Variants in OTOGL observed in about 807,000 individuals in gnomAD.
OTOGL encodes otogelin-like protein.
A neutral mutation model predicts 318.5 loss-of-function variants in OTOGL; 285 were observed. That is an observed-to-expected ratio of 0.89 (90% confidence interval 0.81 to 0.99). OTOGL has a LOEUF of 0.99. Among genes scored for constraint, OTOGL ranks in the 50% least tolerant of loss-of-function variants. The pLI, the probability that OTOGL is intolerant of heterozygous loss-of-function variation, is 0.00. For missense variants in OTOGL, 2,899 were observed against 2,845.6 expected (o/e 1.02, Z -0.43); for synonymous variants, 987 against 936.5 (o/e 1.05, Z -0.99).
At chr12:80,207,938 T>A (rs964707801) in intron 1 of OTOGL, among the ~76,000 whole-genome samples, 3 of 152,346 alleles carry the variant, frequency 2.0e-5, no homozygotes, top group Admixed American at 2.0e-4. Context: ...TAGATTTATA[T>A]GATTGTCTAA....
chr12:80,122,619 G>A (rs1870551563), intron 1 of OTOGL, among the ~76,000 whole-genome samples: 1 of 152,166 alleles, frequency 6.6e-6, no homozygotes. Flanking sequence ...GTCAAGGTAA[G>A]CTTGGCAAGA....
intron 1 of OTOGL, among the ~76,000 whole-genome samples, chr12:80,175,645 CT>C (rs954721356): frequency 1.3e-5 from 2 of 152,080 alleles, no homozygotes; most frequent in African/African-American, 2.4e-5. Flanking sequence ...ACACTGAGCT[CT>C]TTTTTTTCCC....
chr12:80,307,758 C>T (rs1209092817), intron 29 of OTOGL, among the ~76,000 whole-genome samples: 3 of 146,056 alleles, frequency 2.1e-5, no homozygotes, highest in African/African-American at 7.6e-5. Flanking sequence ...CGCCACCTCC[C>T]TCCCGGACGG....
At chr12:80,319,612 A>G (rs1034713643) in intron 33 of OTOGL, among the ~76,000 whole-genome samples, 6 of 152,172 alleles carry the variant, frequency 3.9e-5, no homozygotes, top group African/African-American at 9.6e-5. Flanking sequence ...ATTTTACAAC[A>G]TGATAAATGC....
intron 4 of OTOGL, among the ~76,000 whole-genome samples, chr12:80,215,472 G>A (rs1330996635): frequency 3.3e-5 from 5 of 151,992 alleles, no homozygotes; most frequent in Non-Finnish European, 7.4e-5. Flanking sequence ...CGGCCTGCAT[G>A]TTTACAACTC....
rs1878403005 is a variant in OTOGL, at chr12:80,222,136, G to A, written c.380G>A (p.Gly127Glu). The A allele has an allele frequency of 1.3e-6, 2 of 1,598,406 alleles. No homozygotes were observed. The highest frequency in any genetic ancestry group is 1.7e-6 in the Non-Finnish European group (2 of 1,179,006). ...NGRDGICKTW[G>E]QYHFETFDGI... ...AGAGATGGGATTTGTAAAACCTGGG[G>A]ACAGTATCATTTTGAAACATTCGAT... Residue 127 changes from glycine (G) to glutamate (E), a missense_variant, in exon 7 of 59, where the codon GGA becomes GAA. By Grantham distance (98) the Gly-to-Glu change is moderately conservative. This residue lies in a region of OTOGL where 2,607 missense variants were observed against 2,524.9 expected (regional missense o/e 1.03). Transcript: ENST00000547103.
chr12:80,225,688 T>G (rs1185290253), intron 7 of OTOGL, among the ~76,000 whole-genome samples: 2 of 152,132 alleles, frequency 1.3e-5, no homozygotes, highest in African/African-American at 4.8e-5. Context: ...TATTATGTCT[T>G]CAACTTCCTT....
chr12:80,125,010 C>G (rs1433938534), intron 1 of OTOGL, among the ~76,000 whole-genome samples: 1 of 152,158 alleles, frequency 6.6e-6, no homozygotes, highest in Non-Finnish European at 1.5e-5. Flanking sequence ...TTCCTCTTTT[C>G]CTAATTGAAT....
At chr12:80,197,860 C>T (rs539775036) in intron 1 of OTOGL, among the ~76,000 whole-genome samples, 2 of 152,196 alleles carry the variant, frequency 1.3e-5, no homozygotes, top group African/African-American at 2.4e-5. Flanking sequence ...GGGACTCTAT[C>T]GTATGAAACC....
At chr12:80,209,532 T>C in intron 2 of OTOGL, 22 bp downstream of exon 2, 1 of 1,374,068 alleles carries the variant, frequency 7.3e-7, no homozygotes, top group Non-Finnish European at 9.9e-7. Context: ...GATTAAATTT[T>C]TATGTTAATT....
intron 57 of OTOGL, among the ~76,000 whole-genome samples, chr12:80,374,243 A>G (rs928316789): frequency 2.0e-5 from 3 of 152,036 alleles, no homozygotes; most frequent in African/African-American, 7.2e-5. Flanking sequence ...TTTTTCCTGT[A>G]TGTGTGTCTA....
rs1438174202 is a variant in OTOGL, at chr12:80,248,957, C to T, written c.1053-2736C>T. Among the ~76,000 whole-genome samples the T allele has an allele frequency of 2.2e-4, 33 of 148,026 alleles. 1 individual carries two copies. Among genetic ancestry groups the T allele is most frequent in the African/African-American group, 6.2e-4 (24 of 38,442 alleles). Reference sequence around the variant, plus strand: ...TACCCTTTCTTCCATTTGATCGCATCGGCTCCTGAGGCTTCTGCATTCTTC... The same window carrying T: ...TACCCTTTCTTCCATTTGATCGCATTGGCTCCTGAGGCTTCTGCATTCTTC... On this transcript the variant is annotated intron_variant, in intron 11 of 58. Transcript: ENST00000547103.
At chr12:80,249,532 C>G (rs28762458) in intron 11 of OTOGL, among the ~76,000 whole-genome samples, 15,798 of 151,756 alleles carry the variant, frequency 0.1, 943 homozygotes, top group Middle Eastern at 0.16. Flanking sequence ...TCTCAGATCT[C>G]CAGCTGCGTG....
chr12:80,173,375 C>T (rs2137222587), intron 1 of OTOGL, among the ~76,000 whole-genome samples: 2 of 152,212 alleles, frequency 1.3e-5, no homozygotes, highest in Middle Eastern at 3.4e-3. Context: ...GAGGGTTCCT[C>T]CCTTTTTTAG....
At position 80,333,082 on chromosome 12, in the gene OTOGL, T is replaced by C. The variant is rs367791679; in HGVS notation, c.4422+4T>C. 3 of 1,582,542 alleles carry C rather than the reference T, an allele frequency of 1.9e-6. No individual in the cohort carries two copies. The highest frequency in any genetic ancestry group is 2.6e-6 in the Non-Finnish European group (3 of 1,158,036). ...AACTACAGGCTTGGAATGTGAGGTATGACTGAGCAATATCTTCCAGCTCTT... is the reference window on the plus strand; with the variant it reads ...AACTACAGGCTTGGAATGTGAGGTACGACTGAGCAATATCTTCCAGCTCTT... On this transcript the variant is annotated splice_donor_region_variant and intron_variant, in intron 38 of 58. Coordinates refer to ENST00000547103, the MANE Select transcript of OTOGL (RefSeq NM_001378609.3).
rs138175374 is a variant in OTOGL, at chr12:80,359,301, C to T, written c.6267+401C>T. Among the ~76,000 whole-genome samples, 548 of 152,194 alleles carry T rather than the reference C, an allele frequency of 3.6e-3. 3 individuals carry two copies. Among genetic ancestry groups the T allele is most frequent in the African/African-American group, 0.012 (485 of 41,550 alleles). ...ATGGAACAGCCTGTTTCTTCTTAAGCGTTATCTGCGAACATGTAAACCTTA... is the reference window on the plus strand; with the variant it reads ...ATGGAACAGCCTGTTTCTTCTTAAGTGTTATCTGCGAACATGTAAACCTTA... On this transcript the variant is annotated intron_variant, in intron 52 of 58. Transcript: ENST00000547103.
At chr12:80,108,812 TG>T (rs1869626016) in intron 1 of OTOGL, among the ~76,000 whole-genome samples, 1 of 138,908 alleles carries the variant, frequency 7.2e-6, no homozygotes, top group African/African-American at 2.7e-5. Context: ...TATATATATA[TG>T]TGTATATATA....
intron 30 of OTOGL, among the ~76,000 whole-genome samples, chr12:80,311,106 A>C (rs2137791293): frequency 6.6e-6 from 1 of 152,342 alleles, no homozygotes; most frequent in Non-Finnish European, 1.5e-5. Flanking sequence ...CTTGTAGCAC[A>C]TTTGAAATGT....
At chr12:80,290,834 C>T (rs1055497931) in intron 26 of OTOGL, among the ~76,000 whole-genome samples, 1 of 152,112 alleles carries the variant, frequency 6.6e-6, no homozygotes, top group African/African-American at 2.4e-5. Flanking sequence ...TAAAGCATGC[C>T]AGTAAAGACA....
Sources: gnomAD v4.1 joint callset for allele counts (sites outside exome capture counted in the v4.1 genomes callset) on GRCh38, gnomAD v4.1.1 for gene constraint, gnomAD v4.1.1 regional missense constraint, MANE v1.5 for transcripts, NCBI Gene and HGNC (gene_info 2026-07-23, HGNC 2026-07-21) for gene names.